Variants in PRDM6 observed in about 807,000 individuals in gnomAD.
PRDM6 encodes PR/SET domain 6.
Under a neutral mutation model 60.8 loss-of-function variants are expected in PRDM6, and 25 were observed. The observed-to-expected ratio is 0.41, with a 90% CI of 0.30 to 0.57. PRDM6 has a LOEUF of 0.57. PRDM6 is among the 20% of genes least tolerant of loss of function. The pLI, the probability that PRDM6 is intolerant of heterozygous loss-of-function variation, is 0.27. For missense variants in PRDM6, 839 were observed against 821.3 expected (o/e 1.02, Z -0.26); for synonymous variants, 407 against 357.4 (o/e 1.14, Z -1.57).
chr5:123,111,922 C>G (rs1204540437), intron 3 of PRDM6, among the ~76,000 whole-genome samples: 1 of 152,270 alleles, frequency 6.6e-6, no homozygotes, highest in Non-Finnish European at 1.5e-5. Flanking sequence ...GGCTAATCTC[C>G]TGTGGACATT....
intron 5 of PRDM6, among the ~76,000 whole-genome samples, chr5:123,170,133 A>G (rs1765852103): frequency 6.6e-6 from 1 of 151,842 alleles, no homozygotes; most frequent in South Asian, 2.1e-4. Flanking sequence ...CTGACCCCCA[A>G]TCCTTATTCC....
At chr5:123,178,448 G>T (rs551220242) in intron 6 of PRDM6, among the ~76,000 whole-genome samples, 33 of 152,256 alleles carry the variant, frequency 2.2e-4, no homozygotes, top group African/African-American at 7.0e-4. Context: ...TTGCCACAAA[G>T]AACAGATTCG....
At chr5:123,109,515 A>G (rs1350329565) in intron 3 of PRDM6, among the ~76,000 whole-genome samples, 2 of 152,188 alleles carry the variant, frequency 1.3e-5, no homozygotes, top group African/African-American at 4.8e-5. Flanking sequence ...ACCATGATAC[A>G]TCGTTTGGAT....
chr5:123,148,029 A>G (rs574955209), intron 3 of PRDM6, among the ~76,000 whole-genome samples: 1 of 152,254 alleles, frequency 6.6e-6, no homozygotes, highest in South Asian at 2.1e-4. Flanking sequence ...ACCCATTTCC[A>G]TTTCTTCACA....
chr5:123,181,069 C>G (rs464291), intron 7 of PRDM6, among the ~76,000 whole-genome samples: 1 of 152,208 alleles, frequency 6.6e-6, no homozygotes, highest in African/African-American at 2.4e-5. Flanking sequence ...GCAAGATGGT[C>G]TATTCATTCA....
intron 7 of PRDM6, among the ~76,000 whole-genome samples, chr5:123,186,873 C>G (rs1299160350): frequency 2.0e-5 from 3 of 152,234 alleles, no homozygotes; most frequent in African/African-American, 7.2e-5. Flanking sequence ...TCACCTTCCC[C>G]CTGCCTATTG....
chr5:123,134,427 A>C (rs1240773165), intron 3 of PRDM6, among the ~76,000 whole-genome samples: 1 of 152,128 alleles, frequency 6.6e-6, no homozygotes, highest in Non-Finnish European at 1.5e-5. Context: ...TTTCAAAGTA[A>C]TAAGTTTATT....
At chr5:123,187,050 G>T (rs335198) in intron 7 of PRDM6, 37 bp from the exon 8 acceptor site, 3 of 1,478,618 alleles carry the variant, frequency 2.0e-6, no homozygotes, top group Non-Finnish European at 9.2e-7. Flanking sequence ...TGCAGGCCCC[G>T]CTCCCTGGTC....
chr5:123,125,874 C>T (rs1764682714), intron 3 of PRDM6, among the ~76,000 whole-genome samples: 1 of 152,156 alleles, frequency 6.6e-6, no homozygotes, highest in Non-Finnish European at 1.5e-5. Context: ...TGGGGAGAAA[C>T]TGTAGAATAT....
intron 6 of PRDM6, among the ~76,000 whole-genome samples, chr5:123,175,422 G>A (rs1303402461): frequency 1.3e-5 from 2 of 152,158 alleles, no homozygotes; most frequent in African/African-American, 4.8e-5. Context: ...TCTGATAGGA[G>A]GGCCTGGAGA....
rs77080375 is a variant in PRDM6 at position 123,113,218 on chromosome 5, C to T, written c.900+13257C>T. ...AGTCCAGCGTTTACATTATGGTTCA[C>T]CCTGGTGTTGTACAGTCTATGGATT... On this transcript the variant is annotated intron_variant, in intron 3 of 7. Transcript: ENST00000407847. Among the ~76,000 whole-genome samples the T allele has an allele frequency of 4.4e-4, 67 of 152,250 alleles. 1 individual carries two copies. Among genetic ancestry groups the T allele is most frequent in the Non-Finnish European group, 7.6e-4 (52 of 68,032 alleles).
At chr5:123,185,644 C>A (rs1766270412) in intron 7 of PRDM6, among the ~76,000 whole-genome samples, 1 of 152,126 alleles carries the variant, frequency 6.6e-6, no homozygotes, top group South Asian at 2.1e-4. Flanking sequence ...GAAAGACAAT[C>A]AAAGAAACAC....
At chr5:123,131,683 A>G (rs571687043) in intron 3 of PRDM6, among the ~76,000 whole-genome samples, 5 of 152,366 alleles carry the variant, frequency 3.3e-5, no homozygotes, top group South Asian at 4.1e-4. Context: ...AAATTTTAAT[A>G]TCTATCTTTC....
At chr5:123,115,896 A>T (rs1764430037) in intron 3 of PRDM6, among the ~76,000 whole-genome samples, 1 of 152,062 alleles carries the variant, frequency 6.6e-6, no homozygotes, top group South Asian at 2.1e-4. Flanking sequence ...ATCATTTGTT[A>T]TCCTGAGCAT....
intron 3 of PRDM6, among the ~76,000 whole-genome samples, chr5:123,107,208 A>C (rs1331720331): frequency 6.6e-6 from 1 of 152,224 alleles, no homozygotes; most frequent in Non-Finnish European, 1.5e-5. Flanking sequence ...ATTTAAAAGG[A>C]AATAATTTTT....
chr5:123,183,589 A>G (rs986467728), intron 7 of PRDM6, among the ~76,000 whole-genome samples: 11 of 152,176 alleles, frequency 7.2e-5, no homozygotes, highest in Non-Finnish European at 1.3e-4. Flanking sequence ...TTTCTAAGAT[A>G]AAGGAGCATG....
intron 2 of PRDM6, among the ~76,000 whole-genome samples, chr5:123,091,899 G>GAT (rs1763847789): frequency 6.6e-6 from 1 of 151,944 alleles, no homozygotes; most frequent in African/African-American, 2.4e-5. Context: ...AATAAGTTCA[G>GAT]TTATAGCTCT....
chr5:123,131,234 G>T (rs1486302733), intron 3 of PRDM6, among the ~76,000 whole-genome samples: 1 of 152,136 alleles, frequency 6.6e-6, no homozygotes, highest in Non-Finnish European at 1.5e-5. Context: ...CAAAAATACT[G>T]TTAGGAGGAA....
chr5:123,125,060 C>T (rs928517244), intron 3 of PRDM6, among the ~76,000 whole-genome samples: 1 of 106,760 alleles, frequency 9.4e-6, no homozygotes, highest in Non-Finnish European at 1.9e-5. Context: ...CAACTTACAA[C>T]ATTTTTTTTT....
Sources: allele counts gnomAD v4.1 joint callset (sites outside exome capture counted in the v4.1 genomes callset), GRCh38; gene constraint gnomAD v4.1.1; transcripts MANE v1.5; gene names NCBI Gene and HGNC (gene_info 2026-07-23, HGNC 2026-07-21).